DUSP16: variants seen among roughly 807,000 people sequenced by gnomAD.
The protein encoded by DUSP16 is dual specificity protein phosphatase 16.
A neutral mutation model predicts 58.3 loss-of-function variants in DUSP16; 21 were observed. The observed-to-expected ratio is 0.36, with a 90% confidence interval of 0.26 to 0.52. DUSP16 has a LOEUF of 0.52. Ranked by LOEUF, DUSP16 falls within the 20% of genes least tolerant of loss-of-function variation. The pLI is 0.94. For synonymous variants in DUSP16, 320 were observed against 323.8 expected (o/e 0.99, Z 0.12); for missense variants, 726 against 819.0 (o/e 0.89, Z 1.39).
chr12:12,529,252 C>A (rs1944348640), intron 1 of DUSP16, among the ~76,000 whole-genome samples: 1 of 152,142 alleles, frequency 6.6e-6, no homozygotes, highest in Non-Finnish European at 1.5e-5. Flanking sequence ...ACTGGGACCA[C>A]AGGCATGTGC....
At chr12:12,540,503 G>C (rs1361056821) in intron 1 of DUSP16, among the ~76,000 whole-genome samples, 1 of 152,194 alleles carries the variant, frequency 6.6e-6, no homozygotes, top group Non-Finnish European at 1.5e-5. Flanking sequence ...TTACACAACA[G>C]TTTTTGAACA....
Position 12,475,641 on chromosome 12 carries a change from T to A in DUSP16, c.*1192A>T, listed in dbSNP as rs571219115. On this transcript the variant is annotated 3_prime_UTR_variant, in exon 7 of 7. Transcript: ENST00000298573. ...AAAGTCTGAGGCAATCATAGAAACA[T>A]CAGCCCCATCGCATGCCGAGGGGAT... The A allele has an allele frequency of 6.6e-6, 1 of 152,292 alleles. No homozygotes were observed. Among genetic ancestry groups the A allele is most frequent in the African/African-American group, 2.4e-5 (1 of 41,566 alleles). The allele number at this position is 152,292 out of a possible 1,614,324, so 9.4% of individuals were successfully genotyped here.
At chr12:12,558,057 A>G (rs538684630) in intron 1 of DUSP16, among the ~76,000 whole-genome samples, 1 of 152,352 alleles carries the variant, frequency 6.6e-6, no homozygotes, top group Non-Finnish European at 1.5e-5. Flanking sequence ...TCTGGTAATT[A>G]TCTTTGCATA....
chr12:12,516,920 C>G (rs767611455), intron 3 of DUSP16, among the ~76,000 whole-genome samples: 9 of 152,218 alleles, frequency 5.9e-5, no homozygotes, highest in Non-Finnish European at 1.0e-4. Flanking sequence ...AAGCCCACTG[C>G]ATTCCTGTAG....
intron 3 of DUSP16, among the ~76,000 whole-genome samples, chr12:12,512,625 C>CCA: frequency 6.6e-6 from 1 of 152,102 alleles, no homozygotes; most frequent in East Asian, 1.9e-4. Flanking sequence ...CCAGGTTCAC[C>CCA]CATATTGTTG....
chr12:12,559,564 T>G (rs1401142837), intron 1 of DUSP16, among the ~76,000 whole-genome samples: 1 of 152,220 alleles, frequency 6.6e-6, no homozygotes, highest in African/African-American at 2.4e-5. Context: ...AGTAGAAAAT[T>G]ATTTTTGTCT....
intron 1 of DUSP16, among the ~76,000 whole-genome samples, chr12:12,547,973 C>A (rs191919294): frequency 1.3e-5 from 2 of 152,208 alleles, no homozygotes; most frequent in East Asian, 1.9e-4. Context: ...GAGAATCAAC[C>A]CGAGCCCTCC....
At chr12:12,504,557 C>G (rs1359957575) in intron 3 of DUSP16, among the ~76,000 whole-genome samples, 4 of 152,110 alleles carry the variant, frequency 2.6e-5, no homozygotes. Context: ...CCACTGCGCC[C>G]TGCCAGTTCT....
intron 1 of DUSP16, among the ~76,000 whole-genome samples, chr12:12,544,628 A>C (rs892695316): frequency 4.3e-5 from 6 of 141,140 alleles, no homozygotes; most frequent in Admixed American, 1.4e-4. Flanking sequence ...TGGTATTTTC[A>C]AGTTTTTGTT....
At chr12:12,517,315 T>G (rs144917241) in intron 3 of DUSP16, among the ~76,000 whole-genome samples, 2 of 152,228 alleles carry the variant, frequency 1.3e-5, no homozygotes, top group African/African-American at 4.8e-5. Context: ...AATCTCCAAC[T>G]GTTGAAAGTC....
At chr12:12,479,256 T>C (rs1176805640) in intron 6 of DUSP16, among the ~76,000 whole-genome samples, 1 of 149,064 alleles carries the variant, frequency 6.7e-6, no homozygotes, top group Non-Finnish European at 1.5e-5. Flanking sequence ...CACTGAAAAT[T>C]TGCATTTGAA....
chr12:12,553,756 C>G (rs1482990966), intron 1 of DUSP16, among the ~76,000 whole-genome samples: 3 of 152,168 alleles, frequency 2.0e-5, no homozygotes, highest in Non-Finnish European at 4.4e-5. Context: ...GTTGCCCAGG[C>G]TGGTCTACTC....
At position 12,480,210 on chromosome 12, in the gene DUSP16, T is replaced by C. The variant is rs769027707; in HGVS notation, c.815+13A>G. ...TGAAAAGCCAATCACAGAAGACATTTTCCTGCCCTCACCTGTAAGCTTCAT... is the reference window on the plus strand; with the variant it reads ...TGAAAAGCCAATCACAGAAGACATTCTCCTGCCCTCACCTGTAAGCTTCAT... On this transcript the variant is annotated intron_variant, in intron 6 of 6. Transcript: ENST00000298573. The C allele has an allele frequency of 2.5e-6, 4 of 1,612,806 alleles. 1 individual carries two copies. The South Asian group carries it at 4.4e-5, about 18-fold the overall frequency.
chr12:12,537,049 A>C (rs895647192), intron 1 of DUSP16, among the ~76,000 whole-genome samples: 2 of 152,232 alleles, frequency 1.3e-5, no homozygotes, highest in Non-Finnish European at 2.9e-5. Flanking sequence ...ATCTCAAAAA[A>C]ACAGGCTGAA....
rs568197560 is a variant in DUSP16, at chr12:12,484,954, T to C, written c.691+2074A>G. Among the ~76,000 whole-genome samples, 10 of 151,866 alleles carry C rather than the reference T, an allele frequency of 6.6e-5. No individual in the cohort carries two copies. In the East Asian group the frequency reaches 1.9e-3, roughly 30 times the overall value. Reference sequence around the variant, plus strand: ...GAGACAAAAACAATGATTTGCTGAATGTTTTTTAGAAGTACAATGGGAGGG... The same window carrying C: ...GAGACAAAAACAATGATTTGCTGAACGTTTTTTAGAAGTACAATGGGAGGG... On this transcript the variant is annotated intron_variant, in intron 5 of 6. Transcript: ENST00000298573.
intron 1 of DUSP16, among the ~76,000 whole-genome samples, chr12:12,541,861 G>A (rs773289752): frequency 2.0e-5 from 3 of 151,994 alleles, no homozygotes; most frequent in Non-Finnish European, 4.4e-5. Context: ...ACAAAAACTT[G>A]TATAAAAATG....
At chr12:12,546,638 G>T (rs1477455262) in intron 1 of DUSP16, among the ~76,000 whole-genome samples, 1 of 152,198 alleles carries the variant, frequency 6.6e-6, no homozygotes, top group Non-Finnish European at 1.5e-5. Flanking sequence ...GACAACACTA[G>T]ATAGACATGC....
At chr12:12,500,482 T>A (rs1457972822) in intron 4 of DUSP16, 37 bp downstream of exon 4, 1 of 1,571,880 alleles carries the variant, frequency 6.4e-7, no homozygotes, top group East Asian at 2.3e-5. Context: ...GCTAACAATA[T>A]AAACCCAGCA....
chr12:12,553,949 G>C (rs1944770892), intron 1 of DUSP16, among the ~76,000 whole-genome samples: 1 of 152,110 alleles, frequency 6.6e-6, no homozygotes, highest in South Asian at 2.1e-4. Flanking sequence ...TATAATCCTA[G>C]CACTTTGAGA....
Sources: gnomAD v4.1 joint callset for allele counts (sites outside exome capture counted in the v4.1 genomes callset) on GRCh38, gnomAD v4.1.1 for gene constraint, MANE v1.5 for transcripts, NCBI Gene and HGNC (gene_info 2026-07-23, HGNC 2026-07-21) for gene names.